NCK2: variants seen among roughly 807,000 people sequenced by gnomAD.
The protein encoded by NCK2 is cytoplasmic protein NCK2.
Under a neutral mutation model 33.9 loss-of-function variants are expected in NCK2, and 16 were observed. The ratio of observed to expected loss-of-function variants is 0.47; its 90% CI spans 0.32 to 0.72. The LOEUF is 0.72. NCK2 is among the 30% of genes least tolerant of loss of function. The probability of loss-of-function intolerance (pLI) is 0.03; values close to 1 mark genes in which losing one functional copy is unlikely to be tolerated. For missense variants in NCK2, 418 were observed against 537.3 expected (o/e 0.78, Z 2.19); for synonymous variants, 273 against 239.9 (o/e 1.14, Z -1.27).
At position 105,881,806 on chromosome 2, in the gene NCK2, G is replaced by T. The variant is rs1175736952; in HGVS notation, c.705G>T (p.Trp235Cys). Residue 235 changes from tryptophan (W) to cysteine (C), a missense_variant, in exon 4 of 5, where the codon TGG becomes TGT. By Grantham distance (215) the Trp-to-Cys change is radical. Coordinates refer to ENST00000233154, the MANE Select transcript of NCK2 (RefSeq NM_003581.5). ...IEKPENDPEW[W>C]KCKNARGQVG... ...AGCCGGAGAACGACCCCGAGTGGTG[G>T]AAATGCAAAAATGCCCGGGGCCAGG... The T allele has an allele frequency of 6.2e-7, 1 of 1,609,368 alleles. No individual in the cohort carries two copies. Among genetic ancestry groups the T allele is most frequent in the East Asian group, 2.2e-5 (1 of 44,832 alleles).
chr2:105,788,927 G>A (rs1265725830), intron 1 of NCK2, among the ~76,000 whole-genome samples: 1 of 152,156 alleles, frequency 6.6e-6, no homozygotes, highest in Non-Finnish European at 1.5e-5. Flanking sequence ...ATGTATTCTG[G>A]TTGCATTCAA....
At chr2:105,824,428 C>T (rs1675867215) in intron 2 of NCK2, among the ~76,000 whole-genome samples, 1 of 152,144 alleles carries the variant, frequency 6.6e-6, no homozygotes. Context: ...TCACAAAGAC[C>T]AACGTCAGAA....
chr2:105,775,957 C>T (rs929874127), intron 1 of NCK2, among the ~76,000 whole-genome samples: 1 of 152,178 alleles, frequency 6.6e-6, no homozygotes, highest in African/African-American at 2.4e-5. Context: ...AAAAACAGTG[C>T]GAGGGATAAT....
At chr2:105,797,550 C>T (rs1305485785) in intron 1 of NCK2, among the ~76,000 whole-genome samples, 6 of 152,338 alleles carry the variant, frequency 3.9e-5, no homozygotes, top group African/African-American at 1.2e-4. Context: ...GCTCTCTTGA[C>T]AGCGTCTTAG....
chr2:105,807,706 T>TTTCC (rs796424750), intron 1 of NCK2, among the ~76,000 whole-genome samples: 5 of 148,242 alleles, frequency 3.4e-5, no homozygotes, highest in South Asian at 2.2e-4. Flanking sequence ...TCTTTTCTTT[T>TTTCC]TTCCTTCCTT....
At chr2:105,758,355 T>C (rs1200440464) in intron 1 of NCK2, among the ~76,000 whole-genome samples, 1 of 152,070 alleles carries the variant, frequency 6.6e-6, no homozygotes, top group Non-Finnish European at 1.5e-5. Flanking sequence ...ATTTGAACTG[T>C]GTTTGGAAAT....
At chr2:105,861,903 TCCTCCCTC>T (rs148839655) in intron 3 of NCK2, among the ~76,000 whole-genome samples, 96 of 114,832 alleles carry the variant, frequency 8.4e-4, no homozygotes, top group East Asian at 3.7e-3. Context: ...TGGAATTCTT[TCCTCCCTC>T]CCTCCCTCCC....
chr2:105,807,449 GAA>G (rs1461452627), intron 1 of NCK2, among the ~76,000 whole-genome samples: 2 of 152,114 alleles, frequency 1.3e-5, no homozygotes, highest in Non-Finnish European at 2.9e-5. Context: ...CCTTCCTAGG[GAA>G]AAAATTATTT....
rs558732344 is a variant in NCK2 at position 105,777,087 on chromosome 2, G to C, written c.-201+31949G>C. Among the ~76,000 whole-genome samples, 4 of 152,136 alleles carry C rather than the reference G, an allele frequency of 2.6e-5. No homozygotes were observed. The South Asian group carries it at 8.3e-4, about 32-fold the overall frequency. The stretch of plus-strand genomic sequence containing the variant: ...GAGGCCTTGAGAGTTCCCAGAGCCT[G>C]AGAGCAGGTGCTCTCCTCACTGCTG... On this transcript the variant is annotated intron_variant, in intron 1 of 4. Transcript: ENST00000233154.
chr2:105,745,535 C>T (rs1010739037), intron 1 of NCK2, among the ~76,000 whole-genome samples: 18 of 152,210 alleles, frequency 1.2e-4, no homozygotes, highest in African/African-American at 4.3e-4. Context: ...TCGGGGCTAG[C>T]GTGGGACCGT....
chr2:105,765,065 G>A (rs1257332726), intron 1 of NCK2, among the ~76,000 whole-genome samples: 1 of 151,566 alleles, frequency 6.6e-6, no homozygotes, highest in Non-Finnish European at 1.5e-5. Flanking sequence ...GCATTGCAGA[G>A]TTACATGGTA....
chr2:105,879,727 C>T (rs891823504), intron 3 of NCK2, among the ~76,000 whole-genome samples: 4 of 152,264 alleles, frequency 2.6e-5, no homozygotes, highest in Non-Finnish European at 5.9e-5. Context: ...CCCAGCTCTC[C>T]ACCATTGAGG....
intron 1 of NCK2, among the ~76,000 whole-genome samples, chr2:105,761,281 A>G (rs1689756406): frequency 6.6e-6 from 1 of 152,176 alleles, no homozygotes; most frequent in South Asian, 2.1e-4. Context: ...TGAAGTGGTC[A>G]TTTTAACTCC....
chr2:105,747,027 G>C (rs1159683074), intron 1 of NCK2, among the ~76,000 whole-genome samples: 1 of 152,206 alleles, frequency 6.6e-6, no homozygotes, highest in East Asian at 1.9e-4. Flanking sequence ...AGAGTTGGCT[G>C]CTGCATAACC....
In NCK2 at chr2:105,881,905, G is replaced by T. The variant is rs764581321; in HGVS notation, c.804G>T (p.Gln268His). Residue 268 changes from glutamine (Q) to histidine (H), a missense_variant, in exon 4 of 5, where the codon CAG (glutamine) becomes CAT (histidine). Coordinates refer to ENST00000233154, the MANE Select transcript of NCK2 (RefSeq NM_003581.5). ...CCCTGCACCCTGCGCACGCCCCACA[G>T]ATAAGCTACACCGGGCCCTCGTCCA... ...GPALHPAHAP[Q>H]ISYTGPSSSG... 2 of 1,569,190 alleles carry T rather than the reference G, an allele frequency of 1.3e-6. No individual in the cohort carries two copies. Among genetic ancestry groups the T allele is most frequent in the African/African-American group, 2.7e-5 (2 of 73,642 alleles).
At chr2:105,776,203 T>A (rs1690293774) in intron 1 of NCK2, among the ~76,000 whole-genome samples, 1 of 152,194 alleles carries the variant, frequency 6.6e-6, no homozygotes, top group Non-Finnish European at 1.5e-5. Context: ...GTTGCTACAG[T>A]GTCCTGGGTG....
intron 1 of NCK2, among the ~76,000 whole-genome samples, chr2:105,767,526 T>C (rs1316238059): frequency 1.3e-5 from 2 of 152,242 alleles, no homozygotes; most frequent in Non-Finnish European, 2.9e-5. Flanking sequence ...TTCACCTGTT[T>C]GGGTGTGAAT....
At chr2:105,798,975 A>G (rs769895060) in intron 1 of NCK2, among the ~76,000 whole-genome samples, 1 of 152,156 alleles carries the variant, frequency 6.6e-6, no homozygotes, top group African/African-American at 2.4e-5. Flanking sequence ...GTATCATTTT[A>G]GTGAAGTTCA....
rs1216310336 is a variant in NCK2 at position 105,761,788 on chromosome 2, GAGGATC to G, written c.-201+16652_-201+16657del. Among the ~76,000 whole-genome samples, 7 of 152,298 alleles carry G rather than the reference GAGGATC, an allele frequency of 4.6e-5. No homozygotes were observed. In the East Asian group the frequency reaches 1.4e-3, roughly 29 times the overall value. ...CCAGCTACTTAGGAGACTGAGGCAG[GAGGATC>G]ACTTGAGCCTGGGAGGTCCAGGCTG... is the stretch of plus-strand genomic sequence containing the variant. On this transcript the variant is annotated intron_variant, in intron 1 of 4. Coordinates refer to ENST00000233154, the MANE Select transcript of NCK2 (RefSeq NM_003581.5).
Sources: gnomAD v4.1 joint callset for allele counts (sites outside exome capture counted in the v4.1 genomes callset) on GRCh38, gnomAD v4.1.1 for gene constraint, MANE v1.5 for transcripts, NCBI Gene and HGNC (gene_info 2026-07-23, HGNC 2026-07-21) for gene names.